The following OR2G6 variants were observed in gnomAD, a reference collection of about 807,000 sequenced individuals.
The protein encoded by OR2G6 is olfactory receptor 2G6.
For missense variants in OR2G6, 457 were observed against 391.3 expected, an observed-to-expected ratio of 1.17 and a Z score of -1.42; for synonymous variants, 183 against 155.2, an observed-to-expected ratio of 1.18 and a Z score of -1.33.
chr1:248,524,710 C>A lies in OR2G6; in HGVS notation c.*2113C>A, dbSNP rs929385277. On this transcript the variant is annotated 3_prime_UTR_variant, in exon 2 of 2. Transcript: ENST00000641804. ...ATTGTGAAGCAACCATTTTCAAAGA[C>A]AAACTCACATCCATTTAAGGTAATA... 5.9e-5 allele frequency: 9 copies of A among 152,136 alleles called. No individual in the cohort carries two copies. Among genetic ancestry groups the A allele is most frequent in the Admixed American group, 6.5e-5 (1 of 15,278 alleles). The allele number at this position is 152,136 out of a possible 1,614,324, so 9.4% of individuals were successfully genotyped here.
rs376097100 is a variant in OR2G6 at position 248,522,614 on chromosome 1, T to C, written c.*17T>C. 1.1e-4 allele frequency: 169 copies of C among 1,545,964 alleles called. No homozygotes were observed. The highest frequency in any genetic ancestry group is 1.2e-4 in the Non-Finnish European group (135 of 1,136,876). On this transcript the variant is annotated 3_prime_UTR_variant, in exon 2 of 2. Transcript: ENST00000641804. ...AAGGACTAGGAAACACCTGGAATTC[T>C]AAACAAGGGAAACACCTCAAGGCAG...
At position 248,527,309 on chromosome 1, in the gene OR2G6, G is replaced by A. The variant is rs1311208339; in HGVS notation, c.*4712G>A. 1 of 152,124 alleles carries A rather than the reference G, an allele frequency of 6.6e-6. No individual in the cohort carries two copies. Among genetic ancestry groups the A allele is most frequent in the Non-Finnish European group, 1.5e-5 (1 of 68,026 alleles). 9.4% of individuals were successfully genotyped at this position (152,124 alleles called of 1,614,324 possible). On this transcript the variant is annotated 3_prime_UTR_variant, in exon 2 of 2. Transcript: ENST00000641804. ...AAAGATCAGATAGTTGAAGATGTGT[G>A]GTATTATTTCGGAGGGTTCTGTTCT...
chr1:248,521,170 C>G (rs1020202918), intron 1 of OR2G6, among the ~76,000 whole-genome samples: 1 of 151,350 alleles, frequency 6.6e-6, no homozygotes, highest in Non-Finnish European at 1.5e-5. Context: ...TTGAAGGGAA[C>G]AGAGATCACG....
chr1:248,522,073 T>C lies in OR2G6; in HGVS notation c.427T>C (p.Ser143Pro). 5.0e-6 allele frequency: 8 copies of C among 1,614,156 alleles called. No individual in the cohort carries two copies. Among genetic ancestry groups the C allele is most frequent in the Non-Finnish European group, 6.8e-6 (8 of 1,180,024 alleles). The change falls in exon 2 of 2, where the codon TCT becomes CCT. Residue 143 changes from serine (S) to proline (P), a missense_variant. By Grantham distance (74) the Ser-to-Pro change is moderately conservative. Transcript: ENST00000641804. ...IAIMHPRFCA[S>P]LAGGAWLSGL... ...CATTATGCACCCCAGGTTCTGTGCG[T>C]CTCTGGCCGGTGGAGCATGGCTCAG...
intron 1 of OR2G6, among the ~76,000 whole-genome samples, chr1:248,521,232 AT>A (rs1052826752): frequency 1.3e-5 from 2 of 151,974 alleles, no homozygotes; most frequent in African/African-American, 4.8e-5. Flanking sequence ...AAAAATATAT[AT>A]ATTTGTATAC....
At position 248,521,732 on chromosome 1, in the gene OR2G6, C is replaced by CCAT; in HGVS notation, c.90_92dup (p.Ile31dup). 1 of 1,614,068 alleles carries CCAT rather than the reference C, an allele frequency of 6.2e-7. No homozygotes were observed. The highest frequency in any genetic ancestry group is 8.5e-7 in the Non-Finnish European group (1 of 1,179,978). On this transcript the variant is annotated inframe_insertion, in exon 2 of 2. Coordinates refer to ENST00000641804, the MANE Select transcript of OR2G6 (RefSeq NM_001013355.2). ...CCTCAGCTAGAGAGGTTTCTTTTTG[C>CCAT]CATCATTTTGTACTTCTACGTCTTG... is the stretch of plus-strand genomic sequence containing the variant.
intron 1 of OR2G6, among the ~76,000 whole-genome samples, chr1:248,519,862 G>A (rs1037974057): frequency 1.3e-5 from 2 of 152,078 alleles, no homozygotes; most frequent in Non-Finnish European, 2.9e-5. Context: ...TTCTAATTCT[G>A]TGAAGAAGGT....
rs1664340581 is a variant in OR2G6 at position 248,523,732 on chromosome 1, C to T, written c.*1135C>T. The T allele has an allele frequency of 6.6e-6, 1 of 151,986 alleles. No homozygotes were observed. The highest frequency in any genetic ancestry group is 2.1e-4 in the South Asian group (1 of 4,824). 9.4% of individuals were successfully genotyped at this position (151,986 alleles called of 1,614,324 possible). On this transcript the variant is annotated 3_prime_UTR_variant, in exon 2 of 2. Transcript: ENST00000641804. ...TCAGCCTCTTTCTTGCTTTCTTTTC[C>T]CAAAACGATTGAACTTCATCAATTC...
intron 1 of OR2G6, among the ~76,000 whole-genome samples, chr1:248,520,030 C>T (rs1242186085): frequency 2.6e-5 from 4 of 152,058 alleles, no homozygotes; most frequent in Non-Finnish European, 4.4e-5. Context: ...AACCTAAATG[C>T]CCATCAATGA....
At chr1:248,520,834 C>A (rs898441782) in intron 1 of OR2G6, among the ~76,000 whole-genome samples, 1 of 144,260 alleles carries the variant, frequency 6.9e-6, no homozygotes. Context: ...CATGGTGAAA[C>A]CCCCATCTCT....
rs1314998373 is a variant in OR2G6 at position 248,527,028 on chromosome 1, G to A, written c.*4431G>A. 6.6e-6 allele frequency: 1 copy of A among 152,122 alleles called. No homozygotes were observed. Among genetic ancestry groups the A allele is most frequent in the Non-Finnish European group, 1.5e-5 (1 of 68,036 alleles). 9.4% of individuals were successfully genotyped at this position (152,122 alleles called of 1,614,324 possible). A position where few individuals can be genotyped will look rare whatever the true frequency, so the allele number is the denominator to read the frequency against. ...CCATTTGTCAATTTTGGCTTTTGTT[G>A]CCATTGCTTTTGGTGTTTTAGACAT... On this transcript the variant is annotated 3_prime_UTR_variant, in exon 2 of 2. Coordinates refer to ENST00000641804, the MANE Select transcript of OR2G6 (RefSeq NM_001013355.2).
chr1:248,520,305 A>G (rs573933631), intron 1 of OR2G6, among the ~76,000 whole-genome samples: 11 of 152,314 alleles, frequency 7.2e-5, no homozygotes, highest in East Asian at 3.9e-4. Context: ...GAGGGATAGC[A>G]TTAGGAGAAA....
At position 248,524,502 on chromosome 1, in the gene OR2G6, G is replaced by C. The variant is rs1212319071; in HGVS notation, c.*1905G>C. 2.0e-5 allele frequency: 3 copies of C among 152,144 alleles called. No individual in the cohort carries two copies. Among genetic ancestry groups the C allele is most frequent in the Admixed American group, 6.5e-5 (1 of 15,280 alleles). The allele number at this position is 152,144 out of a possible 1,614,324, so 9.4% of individuals were successfully genotyped here. On this transcript the variant is annotated 3_prime_UTR_variant, in exon 2 of 2. Transcript: ENST00000641804. ...TCACATGTACAAATGCATTATTCCT[G>C]ATAACCCGAGCAACACAGCATAGGA... is the stretch of plus-strand genomic sequence containing the variant.
In OR2G6 at chr1:248,523,290, A is replaced by G. The variant is rs558396018; in HGVS notation, c.*693A>G. ...CTTATTTACAACACGAGAAACACAA[A>G]TATTAAGAGTTGTGATGCTTTGGTT... is the stretch of plus-strand genomic sequence containing the variant. On this transcript the variant is annotated 3_prime_UTR_variant, in exon 2 of 2. Transcript: ENST00000641804. The G allele has an allele frequency of 1.3e-5, 2 of 152,298 alleles. No individual in the cohort carries two copies. Among genetic ancestry groups the G allele is most frequent in the East Asian group, 3.9e-4 (2 of 5,188 alleles). The allele number at this position is 152,298 out of a possible 1,614,324, so 9.4% of individuals were successfully genotyped here. A position where few individuals can be genotyped will look rare whatever the true frequency, so the allele number is the denominator to read the frequency against.
chr1:248,522,308 T>C lies in OR2G6; in HGVS notation c.662T>C (p.Ile221Thr), dbSNP rs1179590393. 8 of 1,614,206 alleles carry C rather than the reference T, an allele frequency of 5.0e-6. No homozygotes were observed. The South Asian group carries it at 7.7e-5, about 16-fold the overall frequency. Residue 221 changes from isoleucine to threonine, a missense_variant, in exon 2 of 2, where the codon ATC (isoleucine) becomes ACC (threonine). Transcript: ENST00000641804. ...VLLILVSYGF[I>T]TQAVLRIKSA... ...CTCATCTTAGTCTCCTATGGCTTTA[T>C]CACTCAAGCTGTGTTAAGGATAAAA...
rs745807366 is a variant in OR2G6, at chr1:248,522,433, G to C, written c.787G>C (p.Ala263Pro). Reference sequence around the variant, plus strand: ...CATCATATTCATGTACCTTCAACCGGCCAATAGGAGATCCAAAAACCAGGG... The same window carrying C: ...CATCATATTCATGTACCTTCAACCGCCCAATAGGAGATCCAAAAACCAGGG... ...GTIIFMYLQP[A>P]NRRSKNQGKF... is the part of the protein sequence containing the mutation. The change falls in exon 2 of 2, where the codon GCC (alanine) becomes CCC (proline). Residue 263 changes from alanine (A) to proline (P), a missense_variant. Coordinates refer to ENST00000641804, the MANE Select transcript of OR2G6 (RefSeq NM_001013355.2). The C allele has an allele frequency of 1.2e-6, 2 of 1,614,068 alleles. No homozygotes were observed. Among genetic ancestry groups the C allele is most frequent in the Non-Finnish European group, 1.7e-6 (2 of 1,180,010 alleles).
At chr1:248,520,845 A>C (rs182752856) in intron 1 of OR2G6, among the ~76,000 whole-genome samples, 44 of 133,366 alleles carry the variant, frequency 3.3e-4, no homozygotes, top group Non-Finnish European at 4.6e-4. Context: ...CCCCATCTCT[A>C]CTAAAAAAAA....
Position 248,521,625 on chromosome 1 carries a change from G to T in OR2G6, c.-22G>T. The T allele has an allele frequency of 6.5e-7, 1 of 1,532,876 alleles. No homozygotes were observed. The highest frequency in any genetic ancestry group is 9.0e-7 in the Non-Finnish European group (1 of 1,114,110). The allele number at this position is 1,532,876 out of a possible 1,614,324, so 95.0% of individuals were successfully genotyped here. A position where few individuals can be genotyped will look rare whatever the true frequency, so the allele number is the denominator to read the frequency against. The stretch of plus-strand genomic sequence containing the variant: ...TAATCACTTAGTATTTGAAGCTGAA[G>T]AGTCCTGAAGCTGCAGGAAAAATGG... On this transcript the variant is annotated 5_prime_UTR_variant, in exon 2 of 2. Coordinates refer to ENST00000641804, the MANE Select transcript of OR2G6 (RefSeq NM_001013355.2).
chr1:248,522,425 T>G lies in OR2G6; in HGVS notation c.779T>G (p.Leu260Arg), dbSNP rs560992560. 6.2e-7 allele frequency: 1 copy of G among 1,614,058 alleles called. No individual in the cohort carries two copies. Among genetic ancestry groups the G allele is most frequent in the Non-Finnish European group, 8.5e-7 (1 of 1,180,044 alleles). ...TATGGGACCATCATATTCATGTACC[T>G]TCAACCGGCCAATAGGAGATCCAAA... is the stretch of plus-strand genomic sequence containing the variant. ...IFYGTIIFMY[L>R]QPANRRSKNQ... The change falls in exon 2 of 2, where the codon CTT becomes CGT. Residue 260 changes from leucine to arginine, a missense_variant. Coordinates refer to ENST00000641804, the MANE Select transcript of OR2G6 (RefSeq NM_001013355.2).
Sources: gnomAD v4.1 joint callset for allele counts (sites outside exome capture counted in the v4.1 genomes callset) on GRCh38, gnomAD v4.1.1 for gene constraint, MANE v1.5 for transcripts, NCBI Gene and HGNC (gene_info 2026-07-23, HGNC 2026-07-21) for gene names.